CRHR1: variants seen among roughly 807,000 people sequenced by gnomAD.
The protein encoded by CRHR1 is corticotropin releasing hormone receptor 1.
A neutral mutation model predicts 56.0 loss-of-function variants in CRHR1; 28 were observed. The ratio of observed to expected loss-of-function variants is 0.50; its 90% CI spans 0.37 to 0.69. The LOEUF (loss-of-function observed/expected upper bound fraction) is 0.69, where lower values mean the gene tolerates loss of function less well. CRHR1 is among the 30% of genes least tolerant of loss of function. CRHR1 has a pLI of 0.00. For synonymous variants in CRHR1, 195 were observed against 216.5 expected (o/e 0.90, Z 0.87); for missense variants, 376 against 548.0 (o/e 0.69, Z 3.13).
At chr17:45,795,272 T>A (rs2061497508) in intron 1 of CRHR1, among the ~76,000 whole-genome samples, 1 of 152,042 alleles carries the variant, frequency 6.6e-6, no homozygotes, top group African/African-American at 2.4e-5. Context: ...TCTCTTGTAA[T>A]CCCACACTCT....
intron 5 of CRHR1, chr17:45,829,750 G>T: frequency 1.7e-6 from 2 of 1,193,916 alleles, no homozygotes; most frequent in Non-Finnish European, 2.4e-6. Flanking sequence ...GCTGGGAGCA[G>T]GGCTGACCCC....
intron 1 of CRHR1, among the ~76,000 whole-genome samples, chr17:45,791,254 C>T (rs897024231): frequency 6.6e-6 from 1 of 152,068 alleles, no homozygotes; most frequent in Admixed American, 6.5e-5. Flanking sequence ...AAAAGCAAAC[C>T]GGGTCCAGGC....
At chr17:45,791,218 A>C (rs1302982404) in intron 1 of CRHR1, among the ~76,000 whole-genome samples, 1 of 150,806 alleles carries the variant, frequency 6.6e-6, no homozygotes, top group Non-Finnish European at 1.5e-5. Context: ...TGGCTGGGGG[A>C]CAAGGGGCTG....
Position 45,834,069 on chromosome 17 carries a change from C to T in CRHR1, c.1107+21C>T, listed in dbSNP as rs149637584. On this transcript the variant is annotated intron_variant, in intron 12 of 12. Transcript: ENST00000314537. ...GTGAGGTGAGGACCCGGGGGCCCTGCAGCGGGGTTCAGGGCTGTGAGGCCT... is the reference window on the plus strand; with the variant it reads ...GTGAGGTGAGGACCCGGGGGCCCTGTAGCGGGGTTCAGGGCTGTGAGGCCT... 2.8e-4 allele frequency: 459 copies of T among 1,612,156 alleles called. 3 individuals are homozygous for T. The African/African-American group carries it at 5.5e-3, about 19-fold the overall frequency.
intron 1 of CRHR1, among the ~76,000 whole-genome samples, chr17:45,787,823 A>G (rs1424034094): frequency 6.6e-6 from 1 of 152,198 alleles, no homozygotes; most frequent in African/African-American, 2.4e-5. Context: ...AGCGTTGGCA[A>G]GAGGCATGAG....
intron 1 of CRHR1, among the ~76,000 whole-genome samples, chr17:45,786,221 T>C (rs969068532): frequency 6.6e-6 from 1 of 151,894 alleles, no homozygotes; most frequent in African/African-American, 2.4e-5. Context: ...AGAATGATCA[T>C]GTTTTCCTTA....
chr17:45,821,627 G>T (rs1187962318), intron 4 of CRHR1, among the ~76,000 whole-genome samples, 187 bp downstream of exon 4: 1 of 152,246 alleles, frequency 6.6e-6, no homozygotes, highest in Non-Finnish European at 1.5e-5. Flanking sequence ...TCGAGGGCAG[G>T]CTGGACCAAT....
At chr17:45,789,212 T>A (rs1010686827) in intron 1 of CRHR1, among the ~76,000 whole-genome samples, 7 of 152,218 alleles carry the variant, frequency 4.6e-5, no homozygotes, top group African/African-American at 1.4e-4. Context: ...CTACCCTAAC[T>A]GCTCACGGTA....
intron 1 of CRHR1, among the ~76,000 whole-genome samples, chr17:45,793,384 C>G (rs1383339213): frequency 2.0e-5 from 3 of 152,200 alleles, no homozygotes; most frequent in Non-Finnish European, 4.4e-5. Flanking sequence ...AAGCTGGGGC[C>G]TCCAGAGAGC....
intron 2 of CRHR1, 59 bp downstream of exon 2, chr17:45,807,156 A>G (rs532830576): frequency 1.4e-6 from 2 of 1,471,754 alleles, no homozygotes; most frequent in East Asian, 2.3e-5. Flanking sequence ...CCCCTACCCC[A>G]GGTATCCCAG....
intron 4 of CRHR1, among the ~76,000 whole-genome samples, chr17:45,827,496 T>A (rs371982962): frequency 6.6e-6 from 1 of 152,230 alleles, no homozygotes; most frequent in East Asian, 1.9e-4. Context: ...AGCCTCCGGA[T>A]TGGGGCATCT....
chr17:45,821,494 G>A, intron 4 of CRHR1, 54 bp downstream of exon 4: 1 of 1,526,170 alleles, frequency 6.6e-7, no homozygotes, highest in Non-Finnish European at 9.0e-7. Context: ...AGGGTCCCCA[G>A]CAGAGTTTTG....
intron 11 of CRHR1, 55 bp from the exon 12 acceptor site, chr17:45,833,952 G>T (rs1023020468): frequency 3.7e-6 from 6 of 1,613,204 alleles, no homozygotes; most frequent in Non-Finnish European, 5.1e-6. Context: ...GCAGCCCAGA[G>T]GCTGGGTGGG....
At chr17:45,819,182 T>A (rs1415672099) in intron 3 of CRHR1, among the ~76,000 whole-genome samples, 1 of 152,118 alleles carries the variant, frequency 6.6e-6, no homozygotes, top group Non-Finnish European at 1.5e-5. Context: ...ACAATAATAA[T>A]AAAAATAACA....
At chr17:45,811,680 T>C (rs528127069) in intron 2 of CRHR1, among the ~76,000 whole-genome samples, 23 of 152,316 alleles carry the variant, frequency 1.5e-4, no homozygotes, top group Admixed American at 4.6e-4. Flanking sequence ...GGGGTCCTTG[T>C]ACTTGCAGTT....
At chr17:45,795,792 TCTAAGTCACTGC>T (rs147645682) in intron 1 of CRHR1, among the ~76,000 whole-genome samples, 1 of 152,342 alleles carries the variant, frequency 6.6e-6, no homozygotes, top group African/African-American at 2.4e-5. Flanking sequence ...TCTGATTTTG[TCTAAGTCACTGC>T]CTTTACAAGC....
chr17:45,785,035 T>A (rs1296887343), intron 1 of CRHR1, among the ~76,000 whole-genome samples: 1 of 152,106 alleles, frequency 6.6e-6, no homozygotes, highest in Non-Finnish European at 1.5e-5. Flanking sequence ...GAGCGCGTCC[T>A]GCCCCTTCCC....
At chr17:45,832,773 G>GC (rs1477038205) in intron 8 of CRHR1, among the ~76,000 whole-genome samples, 2 of 152,216 alleles carry the variant, frequency 1.3e-5, no homozygotes, top group African/African-American at 4.8e-5. Context: ...CCCACCAGCA[G>GC]CCCCCCAGAG....
intron 1 of CRHR1, among the ~76,000 whole-genome samples, chr17:45,786,524 G>C (rs1488770272): frequency 6.6e-6 from 1 of 152,102 alleles, no homozygotes; most frequent in Non-Finnish European, 1.5e-5. Context: ...GAGACACAGA[G>C]AGGCTAAGTA....
Sources: allele counts gnomAD v4.1 joint callset (sites outside exome capture counted in the v4.1 genomes callset), GRCh38; gene constraint gnomAD v4.1.1; transcripts MANE v1.5; gene names NCBI Gene and HGNC (gene_info 2026-07-23, HGNC 2026-07-21).